The following TCF12 variants were observed in gnomAD, a reference collection of about 807,000 sequenced individuals.
The protein encoded by TCF12 is DNA-binding protein HTF4.
In TCF12, 45 loss-of-function variants were observed where a neutral mutation model predicts 86.0. The observed-to-expected ratio is 0.52, with a 90% CI of 0.41 to 0.67. The LOEUF (loss-of-function observed/expected upper bound fraction) is 0.67, where lower values mean the gene tolerates loss of function less well. TCF12 is among the 30% of genes least tolerant of loss of function. The pLI is 0.00. For missense variants in TCF12, 881 were observed against 859.9 expected, an observed-to-expected ratio of 1.02 and a Z score of -0.31; for synonymous variants, 330 against 299.6, an observed-to-expected ratio of 1.10 and a Z score of -1.05.
chr15:56,931,417 C>A (rs1202447534), intron 3 of TCF12, among the ~76,000 whole-genome samples: 1 of 151,980 alleles, frequency 6.6e-6, no homozygotes, highest in Non-Finnish European at 1.5e-5. Flanking sequence ...TTCATTTGGT[C>A]CCCATTTTGT....
At chr15:56,920,508 G>GTGTGTGTGTA (rs1303906766) in intron 2 of TCF12, among the ~76,000 whole-genome samples, 1 of 150,974 alleles carries the variant, frequency 6.6e-6, no homozygotes, top group Non-Finnish European at 1.5e-5. Flanking sequence ...GTGTGTGTGT[G>GTGTGTGTGTA]TATTATGTTC....
chr15:56,994,542 AAAAAC>A (rs1457606777), intron 3 of TCF12, among the ~76,000 whole-genome samples: 1 of 151,888 alleles, frequency 6.6e-6, no homozygotes, highest in East Asian at 1.9e-4. Context: ...TCTGAAAACT[AAAAAC>A]AAGAAAAAAA....
chr15:57,163,498 G>A (rs148588980), intron 5 of TCF12, among the ~76,000 whole-genome samples: 64 of 152,124 alleles, frequency 4.2e-4, no homozygotes, highest in Non-Finnish European at 3.4e-4. Flanking sequence ...CCAGGAGTTT[G>A]AGACCAGCCT....
intron 5 of TCF12, among the ~76,000 whole-genome samples, chr15:57,133,629 T>TG (rs1453821334): frequency 6.6e-6 from 1 of 151,342 alleles, no homozygotes; most frequent in Non-Finnish European, 1.5e-5. Context: ...AATGTGTTTT[T>TG]TTTTTTTTTT....
At chr15:57,055,388 A>G (rs2067938673) in intron 3 of TCF12, among the ~76,000 whole-genome samples, 1 of 152,188 alleles carries the variant, frequency 6.6e-6, no homozygotes, top group African/African-American at 2.4e-5. Flanking sequence ...GTGACGAGCA[A>G]AAACTCTGTC....
At chr15:57,012,969 A>G (rs1259715025) in intron 3 of TCF12, among the ~76,000 whole-genome samples, 1 of 151,916 alleles carries the variant, frequency 6.6e-6, no homozygotes, top group Admixed American at 6.6e-5. Context: ...TTAAAGATTT[A>G]CTAAGTCTCT....
intron 8 of TCF12, among the ~76,000 whole-genome samples, chr15:57,198,396 A>G (rs983871402): frequency 6.6e-5 from 10 of 152,154 alleles, no homozygotes; most frequent in Non-Finnish European, 1.5e-4. Flanking sequence ...AAAGCTTTCA[A>G]GCAACTAGTT....
intron 4 of TCF12, among the ~76,000 whole-genome samples, chr15:57,087,118 C>G (rs1263399187): frequency 6.6e-6 from 1 of 150,638 alleles, no homozygotes; most frequent in Non-Finnish European, 1.5e-5. Context: ...TCTCCCTCTC[C>G]CTACCCCCCT....
At chr15:57,264,689 C>G (rs1373816233) in intron 18 of TCF12, among the ~76,000 whole-genome samples, 3 of 152,064 alleles carry the variant, frequency 2.0e-5, no homozygotes, top group African/African-American at 4.8e-5. Flanking sequence ...CAGGCAGTAA[C>G]ATGCAGGAAG....
intron 3 of TCF12, among the ~76,000 whole-genome samples, chr15:56,956,226 CTG>C (rs1351210274): frequency 7.9e-5 from 12 of 151,596 alleles, no homozygotes; most frequent in East Asian, 1.9e-4. Flanking sequence ...ATTGATATGA[CTG>C]TGTTTGAATC....
In TCF12 at chr15:56,941,464, C is replaced by T. The variant is rs1361513667; in HGVS notation, c.148+20366C>T. ...CTTGGCTCACTGCAACCTCTGGCTC[C>T]CAGGTTCTAGCAATTCTCCTGCCTC... On this transcript the variant is annotated intron_variant, in intron 3 of 20. Coordinates refer to ENST00000333725, the MANE Select transcript of TCF12 (RefSeq NM_207037.2). Among the ~76,000 whole-genome samples, 2 of 151,752 alleles carry T rather than the reference C, an allele frequency of 1.3e-5. 1 individual carries two copies.
intron 5 of TCF12, chr15:57,109,243 C>G (rs1462994403): frequency 6.6e-6 from 1 of 152,086 alleles, no homozygotes; most frequent in Non-Finnish European, 1.5e-5. Flanking sequence ...TTTCTCTGGG[C>G]ATTTGTAGCT....
intron 3 of TCF12, among the ~76,000 whole-genome samples, chr15:56,924,829 T>C (rs1870670062): frequency 6.6e-6 from 1 of 152,170 alleles, no homozygotes; most frequent in Non-Finnish European, 1.5e-5. Context: ...TGAAAACTCA[T>C]ACTTGGAAAA....
intron 13 of TCF12, among the ~76,000 whole-genome samples, chr15:57,245,401 A>G (rs1321036014): frequency 6.6e-6 from 1 of 152,270 alleles, no homozygotes; most frequent in South Asian, 2.1e-4. Context: ...TACAGGAAGA[A>G]TGATGTAACT....
intron 16 of TCF12, 78 bp from the exon 17 acceptor site, chr15:57,262,016 C>T (rs917251033): frequency 2.3e-5 from 21 of 896,864 alleles, no homozygotes; most frequent in African/African-American, 3.4e-5. Context: ...TCTATTAAAC[C>T]TAGTAAAATA....
intron 3 of TCF12, among the ~76,000 whole-genome samples, chr15:57,001,612 C>T (rs563768043): frequency 6.6e-6 from 1 of 152,242 alleles, no homozygotes; most frequent in Admixed American, 6.5e-5. Context: ...AAGCAGAGCA[C>T]CTGTCTAGGG....
In TCF12 at chr15:56,992,975, A is replaced by G. The variant is rs562918501; in HGVS notation, c.149-70775A>G. ...CCCGTCTTTCTCACTGAATGCATCT[A>G]TAAAACCTAGGCAAAATGGATGGAA... On this transcript the variant is annotated intron_variant, in intron 3 of 20. Transcript: ENST00000333725. Among the ~76,000 whole-genome samples the G allele has an allele frequency of 2.6e-5, 4 of 152,338 alleles. No homozygotes were observed. The South Asian group carries it at 8.3e-4, about 32-fold the overall frequency.
At chr15:57,248,343 G>A (rs1414582941) in intron 13 of TCF12, among the ~76,000 whole-genome samples, 1 of 152,124 alleles carries the variant, frequency 6.6e-6, no homozygotes, top group Non-Finnish European at 1.5e-5. Flanking sequence ...AACAAAATCA[G>A]TGCTCTGGCC....
intron 3 of TCF12, among the ~76,000 whole-genome samples, chr15:56,975,906 G>A (rs543582315): frequency 6.6e-6 from 1 of 151,488 alleles, no homozygotes; most frequent in South Asian, 2.1e-4. Context: ...CTAGATAATA[G>A]GAAGCTTCAA....
Sources: allele counts gnomAD v4.1 joint callset (sites outside exome capture counted in the v4.1 genomes callset), GRCh38; gene constraint gnomAD v4.1.1; transcripts MANE v1.5; gene names NCBI Gene and HGNC (gene_info 2026-07-23, HGNC 2026-07-21).